Variants in PSTPIP2 observed in about 807,000 individuals in gnomAD.
The protein encoded by PSTPIP2 is proline-serine-threonine phosphatase-interacting protein 2.
PSTPIP2 carries 33 observed loss-of-function variants against 63.3 expected under a neutral mutation model. The ratio of observed to expected loss-of-function variants is 0.52; its 90% CI spans 0.40 to 0.70. The LOEUF (loss-of-function observed/expected upper bound fraction) is 0.70. Among genes scored for constraint, PSTPIP2 ranks in the 30% least tolerant of loss-of-function variants. The pLI is 0.00. For missense variants in PSTPIP2, 312 were observed against 400.7 expected (o/e 0.78, Z 1.89); for synonymous variants, 125 against 132.7 (o/e 0.94, Z 0.40).
intron 9 of PSTPIP2, among the ~76,000 whole-genome samples, chr18:45,994,852 ATTG>A (rs1435629221): frequency 2.0e-5 from 3 of 152,134 alleles, no homozygotes; most frequent in African/African-American, 7.2e-5. Flanking sequence ...ATATTACATT[ATTG>A]TTGTTATGGA....
intron 2 of PSTPIP2, among the ~76,000 whole-genome samples, chr18:46,034,435 G>A (rs942583672): frequency 3.3e-5 from 5 of 152,206 alleles, no homozygotes; most frequent in African/African-American, 1.2e-4. Flanking sequence ...GAAGTCAGCA[G>A]GAATCCCAGC....
intron 3 of PSTPIP2, among the ~76,000 whole-genome samples, chr18:46,021,736 A>G (rs1330613867): frequency 6.6e-6 from 1 of 150,874 alleles, no homozygotes; most frequent in Non-Finnish European, 1.5e-5. Context: ...ACTTGAGGTC[A>G]GGAGTTCAAG....
chr18:46,043,753 A>G (rs1908278379), intron 1 of PSTPIP2, among the ~76,000 whole-genome samples: 1 of 152,250 alleles, frequency 6.6e-6, no homozygotes, highest in African/African-American at 2.4e-5. Context: ...AGAAAATTCT[A>G]AGAAGTTTAC....
intron 1 of PSTPIP2, among the ~76,000 whole-genome samples, chr18:46,059,020 TTTTTTTTC>T (rs1455492751): frequency 5.4e-5 from 8 of 148,806 alleles, no homozygotes; most frequent in African/African-American, 1.7e-4. Context: ...TCTTAATTCT[TTTTTTTTC>T]TTTTTTTCTT....
chr18:46,064,964 G>A (rs1372724690), intron 1 of PSTPIP2, among the ~76,000 whole-genome samples: 1 of 151,570 alleles, frequency 6.6e-6, no homozygotes, highest in Non-Finnish European at 1.5e-5. Context: ...GACCAACATG[G>A]AAAAACCTCA....
chr18:46,049,915 T>G (rs1908529593), intron 1 of PSTPIP2, among the ~76,000 whole-genome samples: 1 of 151,896 alleles, frequency 6.6e-6, no homozygotes, highest in Non-Finnish European at 1.5e-5. Context: ...ACCAATTTTC[T>G]CAAGTGGGTA....
chr18:46,033,330 A>C (rs1293383068), intron 2 of PSTPIP2, among the ~76,000 whole-genome samples: 1 of 152,206 alleles, frequency 6.6e-6, no homozygotes, highest in Non-Finnish European at 1.5e-5. Context: ...GGGTCATTGC[A>C]GACGTAATTG....
intron 4 of PSTPIP2, among the ~76,000 whole-genome samples, chr18:46,011,550 G>A (rs1239600075): frequency 6.6e-6 from 1 of 152,138 alleles, no homozygotes; most frequent in East Asian, 1.9e-4. Context: ...AGGGAGAAAA[G>A]CAGCCAAAGT....
Position 46,015,924 on chromosome 18 carries a change from C to A in PSTPIP2, c.226G>T (p.Ala76Ser), listed in dbSNP as rs1250769951. The change falls in exon 4 of 15, where the codon GCC becomes TCC. Residue 76 changes from alanine to serine, a missense_variant. By Grantham distance (99) the Ala-to-Ser change is moderately conservative (BLOSUM62 1). Transcript: ENST00000409746. ...GQSEINTLKRALEVFKQQVDN... is the reference protein window; with the variant it reads ...GQSEINTLKRSLEVFKQQVDN... ...TTACGCTGCTTGAAGACTTCAAGGG[C>A]CCGCTTCAGGGTGCTAAAAAAAACA... 3.1e-6 allele frequency: 5 copies of A among 1,612,224 alleles called. No individual in the cohort carries two copies. The Admixed American group carries it at 5.0e-5, about 16-fold the overall frequency.
chr18:46,008,586 C>T (rs999878180), intron 5 of PSTPIP2, among the ~76,000 whole-genome samples: 3 of 152,086 alleles, frequency 2.0e-5, no homozygotes, highest in Non-Finnish European at 4.4e-5. Flanking sequence ...GGATTAGAGT[C>T]GTGAGCCACC....
At chr18:46,040,653 C>T (rs1053388190) in intron 1 of PSTPIP2, among the ~76,000 whole-genome samples, 3 of 152,228 alleles carry the variant, frequency 2.0e-5, no homozygotes, top group African/African-American at 7.2e-5. Flanking sequence ...CAGTGTTGGG[C>T]TTTGCTGTGC....
intron 1 of PSTPIP2, among the ~76,000 whole-genome samples, chr18:46,057,570 T>C (rs1006731601): frequency 6.6e-6 from 1 of 151,978 alleles, no homozygotes; most frequent in Admixed American, 6.6e-5. Flanking sequence ...CCTCAGGTGA[T>C]CCACCCACCT....
intron 9 of PSTPIP2, among the ~76,000 whole-genome samples, chr18:45,995,020 T>C (rs2051579103): frequency 6.6e-6 from 1 of 152,178 alleles, no homozygotes; most frequent in South Asian, 2.1e-4. Context: ...CAGATAGCCA[T>C]TATCCTGAAT....
At chr18:46,051,638 A>G (rs1392311203) in intron 1 of PSTPIP2, among the ~76,000 whole-genome samples, 1 of 152,210 alleles carries the variant, frequency 6.6e-6, no homozygotes, top group African/African-American at 2.4e-5. Context: ...AATGTTTGAC[A>G]TTACCCATCT....
chr18:46,004,786 T>A (rs1371561140), intron 6 of PSTPIP2, among the ~76,000 whole-genome samples: 1 of 152,192 alleles, frequency 6.6e-6, no homozygotes, highest in Admixed American at 6.5e-5. Flanking sequence ...TCAACCATTG[T>A]GGAAAGCAGT....
intron 2 of PSTPIP2, 26 bp from the exon 3 acceptor site, chr18:46,024,712 G>T: frequency 6.3e-7 from 1 of 1,579,528 alleles, no homozygotes; most frequent in Non-Finnish European, 8.7e-7. Flanking sequence ...AGAGGGTTAT[G>T]GGTCCTTCTC....
intron 2 of PSTPIP2, chr18:46,029,499 C>A: frequency 1.1e-6 from 1 of 885,282 alleles, no homozygotes; most frequent in Non-Finnish European, 1.9e-6. Flanking sequence ...TTAAGCATTG[C>A]CACATCTAGG....
At chr18:46,038,853 G>C (rs1353922481) in intron 2 of PSTPIP2, among the ~76,000 whole-genome samples, 1 of 152,150 alleles carries the variant, frequency 6.6e-6, no homozygotes, top group East Asian at 1.9e-4. Context: ...TTTACATGTA[G>C]AGGCAGGGCG....
At chr18:45,987,105 CT>C (rs1032701369) in intron 14 of PSTPIP2, among the ~76,000 whole-genome samples, 38 of 152,334 alleles carry the variant, frequency 2.5e-4, no homozygotes, top group African/African-American at 8.7e-4. Flanking sequence ...TCCCAAAGTG[CT>C]GGGATTACAG....
Sources: allele counts gnomAD v4.1 joint callset (sites outside exome capture counted in the v4.1 genomes callset), GRCh38; gene constraint gnomAD v4.1.1; transcripts MANE v1.5; gene names NCBI Gene and HGNC (gene_info 2026-07-23, HGNC 2026-07-21).